Variants in PTPRF observed in about 807,000 individuals in gnomAD.
PTPRF encodes the protein receptor-type tyrosine-protein phosphatase F.
In PTPRF, 59 loss-of-function variants were observed where a neutral mutation model predicts 201.8. That is an observed-to-expected ratio of 0.29 (90% CI 0.24 to 0.36). The LOEUF (loss-of-function observed/expected upper bound fraction) is 0.36, where lower values mean the gene tolerates loss of function less well. Among genes scored for constraint, PTPRF ranks in the 10% least tolerant of loss-of-function variants. The pLI is 1.00. For missense variants in PTPRF, 2,132 were observed against 2,690.5 expected (o/e 0.79, Z 4.59); for synonymous variants, 1,088 against 1,089.7 (o/e 1.00, Z 0.03).
At chr1:43,593,732 C>T (rs908153565) in intron 11 of PTPRF, among the ~76,000 whole-genome samples, 8 of 110,594 alleles carry the variant, frequency 7.2e-5, no homozygotes, top group Admixed American at 4.2e-4. Context: ...CACCTGTAAT[C>T]CCAGCACTTT....
In PTPRF at chr1:43,579,388, G is replaced by A. The variant is rs1647163925; in HGVS notation, c.679+468G>A. 8.1e-6 allele frequency: 3 copies of A among 368,876 alleles called. No individual in the cohort carries two copies. The Admixed American group carries it at 1.0e-4, about 12-fold the overall frequency. 22.9% of individuals were successfully genotyped at this position (368,876 alleles called of 1,614,324 possible). A position where few individuals can be genotyped will look rare whatever the true frequency, so the allele number is the denominator to read the frequency against. On this transcript the variant is annotated intron_variant, in intron 7 of 33. Transcript: ENST00000359947. ...TGGCTCTGGGCTTTGGGGTAGTAAG[G>A]CCTCAGGAACGGACCAGGCCAGGTG...
chr1:43,606,478 G>C lies in PTPRF; in HGVS notation c.3702+20G>C. The C allele has an allele frequency of 1.3e-6, 2 of 1,599,442 alleles. No individual in the cohort carries two copies. The highest frequency in any genetic ancestry group is 8.5e-7 in the Non-Finnish European group (1 of 1,170,710). On this transcript the variant is annotated intron_variant, in intron 20 of 33. Transcript: ENST00000359947. Reference sequence around the variant, plus strand: ...GACCAGGTCTGCCTGAGCCGGCTTGGCTGTCAGCACCCTGATTCCCTGGGC... The same window carrying C: ...GACCAGGTCTGCCTGAGCCGGCTTGCCTGTCAGCACCCTGATTCCCTGGGC...
chr1:43,603,414 A>T lies in PTPRF; in HGVS notation c.2341-2A>T. 6.2e-7 allele frequency: 1 copy of T among 1,613,496 alleles called. No individual in the cohort carries two copies. Among genetic ancestry groups the T allele is most frequent in the Non-Finnish European group, 8.5e-7 (1 of 1,179,492 alleles). ...GGGAACGAACCCCTCCTCCTCCCTCAGGAAACCACTATCAGCGGCCTGACC... is the reference window on the plus strand; with the variant it reads ...GGGAACGAACCCCTCCTCCTCCCTCTGGAAACCACTATCAGCGGCCTGACC... On this transcript the variant is annotated splice_acceptor_variant, in intron 14 of 33. Transcript: ENST00000359947. LOFTEE classifies it high-confidence loss of function. This position sits in a 1 kb window ranked among gnomAD's most constrained non-coding sequence, Gnocchi z 5.8.
chr1:43,571,501 TGAC>T (rs1646564835), intron 6 of PTPRF, among the ~76,000 whole-genome samples: 1 of 152,250 alleles, frequency 6.6e-6, no homozygotes, highest in South Asian at 2.1e-4. Flanking sequence ...TGATGAGTGA[TGAC>T]CTTCTTTTCA....
At chr1:43,565,764 C>T (rs909973726) in intron 5 of PTPRF, among the ~76,000 whole-genome samples, 30 of 152,060 alleles carry the variant, frequency 2.0e-4, no homozygotes, top group African/African-American at 7.3e-4. Context: ...GCTGAGGAGC[C>T]GGGGCCTGGG....
chr1:43,613,459 C>T (rs1258590933), intron 22 of PTPRF, 159 bp from the exon 23 acceptor site: 7 of 676,924 alleles, frequency 1.0e-5, no homozygotes, highest in Non-Finnish European at 1.7e-5. Flanking sequence ...CACCCTCCGC[C>T]ATCCCTGTCG....
rs940570788 is a variant in PTPRF at position 43,592,451 on chromosome 1, TC to T, written c.1669-3del. ...GCTGTCAGTGAGTGCTCCCTGCTCTTCCCAGCACAAGGTGACCTTCGACCCA... is the reference window on the plus strand; with the variant it reads ...GCTGTCAGTGAGTGCTCCCTGCTCTTCCAGCACAAGGTGACCTTCGACCCA... On this transcript the variant is annotated splice_polypyrimidine_tract_variant and splice_region_variant and intron_variant, in intron 10 of 33. Transcript: ENST00000359947. 8 of 1,604,074 alleles carry T rather than the reference TC, an allele frequency of 5.0e-6. No homozygotes were observed. Among genetic ancestry groups the T allele is most frequent in the Middle Eastern group, 1.7e-4 (1 of 6,022 alleles).
In PTPRF at chr1:43,618,714, G is replaced by T. The variant is rs760404112; in HGVS notation, c.4456G>T (p.Ala1486Ser). ...QVTLLDTVEL[A>S]TYTVRTFALH... The stretch of plus-strand genomic sequence containing the variant: ...GACCCTGTTGGACACAGTGGAGCTG[G>T]CCACATACACTGTGCGCACCTTCGC... Residue 1486 changes from alanine (A) to serine (S), a missense_variant, in exon 26 of 34, where the codon GCC becomes TCC. This residue lies in a region of PTPRF where 519 missense variants were observed against 659.5 expected (regional missense o/e 0.79). Coordinates refer to ENST00000359947, the MANE Select transcript of PTPRF (RefSeq NM_002840.5). 14 of 1,611,364 alleles carry T rather than the reference G, an allele frequency of 8.7e-6. 1 individual carries two copies. In the South Asian group the frequency reaches 1.5e-4, roughly 18 times the overall value.
chr1:43,533,877 G>A (rs963696875), intron 1 of PTPRF, among the ~76,000 whole-genome samples: 1 of 152,166 alleles, frequency 6.6e-6, no homozygotes, highest in African/African-American at 2.4e-5. Context: ...CGGGGTAGGC[G>A]CTTTCGGCCC....
intron 7 of PTPRF, 31 bp downstream of exon 7, chr1:43,578,951 C>T (rs1647123676): frequency 2.5e-6 from 4 of 1,599,562 alleles, no homozygotes; most frequent in African/African-American, 1.3e-5. Flanking sequence ...TGGCCCCTGT[C>T]ACCACAGAGC....
At chr1:43,616,464 G>A (rs1237044970) in intron 23 of PTPRF, among the ~76,000 whole-genome samples, 1 of 151,974 alleles carries the variant, frequency 6.6e-6, no homozygotes. Context: ...AGAGGAAAGA[G>A]GCAGGAAGAG....
At chr1:43,610,242 G>A (rs541726068) in intron 22 of PTPRF, among the ~76,000 whole-genome samples, 31 of 152,306 alleles carry the variant, frequency 2.0e-4, no homozygotes, top group African/African-American at 7.0e-4. Context: ...TTCAGCGCAC[G>A]ATGGGTTCTT....
rs72877547 is a variant in PTPRF at position 43,620,625 on chromosome 1, G to A, written c.5364+46G>A. 11,638 of 1,598,420 alleles carry A rather than the reference G, an allele frequency of 7.3e-3. 707 individuals carry two copies. In the African/African-American group the frequency reaches 0.13, roughly 19 times the overall value. ...TGTCCATAACGCTGCCTGTCCACACGCTGGGTGGATGGCTGCCTGCATGGT... is the reference window on the plus strand; with the variant it reads ...TGTCCATAACGCTGCCTGTCCACACACTGGGTGGATGGCTGCCTGCATGGT... On this transcript the variant is annotated intron_variant, in intron 31 of 33. Coordinates refer to ENST00000359947, the MANE Select transcript of PTPRF (RefSeq NM_002840.5).
At chr1:43,555,360 T>C (rs1645292781) in intron 5 of PTPRF, among the ~76,000 whole-genome samples, 1 of 152,092 alleles carries the variant, frequency 6.6e-6, no homozygotes, top group Non-Finnish European at 1.5e-5. Flanking sequence ...TGTCCGATGA[T>C]TTGTAGACTG....
intron 7 of PTPRF, chr1:43,579,959 G>A (rs1337858080): frequency 6.6e-6 from 1 of 152,046 alleles, no homozygotes; most frequent in Non-Finnish European, 1.5e-5. Flanking sequence ...TGTAATCCCA[G>A]CTACTCAGGA....
chr1:43,619,593 G>C lies in PTPRF; in HGVS notation c.4932+20G>C. 1 of 1,610,772 alleles carries C rather than the reference G, an allele frequency of 6.2e-7. No individual in the cohort carries two copies. Among genetic ancestry groups the C allele is most frequent in the Non-Finnish European group, 8.5e-7 (1 of 1,177,598 alleles). On this transcript the variant is annotated intron_variant, in intron 28 of 33. Transcript: ENST00000359947. The stretch of plus-strand genomic sequence containing the variant: ...TTCAAGGTGGGGCTCGGGTGGGCCT[G>C]CTTGGCTCCAGGGCCTAGACTGGGT...
intron 3 of PTPRF, among the ~76,000 whole-genome samples, chr1:43,547,381 T>C (rs1420519696): frequency 1.3e-5 from 2 of 152,182 alleles, no homozygotes; most frequent in Non-Finnish European, 2.9e-5. Flanking sequence ...GGTAGGGGGT[T>C]CAGGGGACTC....
intron 12 of PTPRF, 140 bp from the exon 13 acceptor site, chr1:43,598,580 G>T: frequency 1.3e-6 from 1 of 798,844 alleles, no homozygotes. Context: ...CCTCACCAGG[G>T]ACAGATGATC....
rs931572495 is a variant in PTPRF at position 43,548,007 on chromosome 1, G to A, written c.91+2841G>A. Among the ~76,000 whole-genome samples the A allele has an allele frequency of 7.2e-5, 11 of 152,250 alleles. No homozygotes were observed. In the East Asian group the frequency reaches 1.9e-3, roughly 27 times the overall value. ...ACAGGCTTGTGAGCAGTGACCACAG[G>A]GTGTGCTGGGTAGGTGGCACTGACA... On this transcript the variant is annotated intron_variant, in intron 3 of 33. Transcript: ENST00000359947.
Sources: gnomAD v4.1 joint callset for allele counts (sites outside exome capture counted in the v4.1 genomes callset) on GRCh38, gnomAD v4.1.1 for gene constraint, gnomAD v4.1.1 regional missense constraint, Gnocchi (gnomAD v3.1) non-coding constraint, MANE v1.5 for transcripts, NCBI Gene and HGNC (gene_info 2026-07-23, HGNC 2026-07-21) for gene names.